CAMSAP1: variants seen among roughly 807,000 people sequenced by gnomAD.
The protein encoded by CAMSAP1 is calmodulin regulated spectrin associated protein 1, also known as calmodulin-regulated spectrin-associated protein 1.
A neutral mutation model predicts 143.5 loss-of-function variants in CAMSAP1; 58 were observed. The ratio of observed to expected loss-of-function variants is 0.40; its 90% CI spans 0.33 to 0.50. The LOEUF is 0.50. Among genes scored for constraint, CAMSAP1 ranks in the 20% least tolerant of loss-of-function variants. The pLI is 0.45. For synonymous variants in CAMSAP1, 945 were observed against 859.3 expected (o/e 1.10, Z -1.74); for missense variants, 1,969 against 2,115.7 (o/e 0.93, Z 1.36).
intron 7 of CAMSAP1, among the ~76,000 whole-genome samples, chr9:135,833,608 G>T (rs1158809200): frequency 1.3e-5 from 2 of 152,174 alleles, no homozygotes; most frequent in African/African-American, 4.8e-5. Flanking sequence ...TGGATAACCA[G>T]ATGTAGAAGA....
At chr9:135,863,177 G>C (rs554445203) in intron 4 of CAMSAP1, among the ~76,000 whole-genome samples, 2 of 152,258 alleles carry the variant, frequency 1.3e-5, no homozygotes, top group East Asian at 3.9e-4. Flanking sequence ...GAAGCATCAG[G>C]AGGCGAAATC....
intron 1 of CAMSAP1, among the ~76,000 whole-genome samples, chr9:135,899,826 G>T (rs1838564254): frequency 6.6e-6 from 1 of 152,080 alleles, no homozygotes; most frequent in South Asian, 2.1e-4. Flanking sequence ...CACTCTAATG[G>T]AACATTCCAG....
At chr9:135,817,910 G>A (rs1232457671) in intron 14 of CAMSAP1, 67 bp downstream of exon 14, 2 of 1,263,260 alleles carry the variant, frequency 1.6e-6, no homozygotes, top group East Asian at 4.7e-5. Flanking sequence ...TGTTTAATCA[G>A]GAAGTCCCAC....
intron 7 of CAMSAP1, among the ~76,000 whole-genome samples, chr9:135,834,352 T>C (rs1414353290): frequency 1.3e-5 from 2 of 152,174 alleles, no homozygotes; most frequent in East Asian, 3.8e-4. Flanking sequence ...TTATGTGCAC[T>C]CCCATGTTTA....
chr9:135,889,122 A>C (rs1174803658), intron 1 of CAMSAP1, among the ~76,000 whole-genome samples: 1 of 152,168 alleles, frequency 6.6e-6, no homozygotes, highest in Non-Finnish European at 1.5e-5. Context: ...GTGGCACAGC[A>C]GCCACTCTGA....
chr9:135,902,632 T>A (rs1345043474), intron 1 of CAMSAP1, among the ~76,000 whole-genome samples: 2 of 152,236 alleles, frequency 1.3e-5, no homozygotes, highest in East Asian at 3.8e-4. Flanking sequence ...CTCTTCTTGT[T>A]GCCTATATCA....
chr9:135,865,162 T>C, intron 4 of CAMSAP1: 1 of 642,322 alleles, frequency 1.6e-6, no homozygotes, highest in Non-Finnish European at 2.7e-6. Context: ...ACAAGGCCTA[T>C]TCGGCTCAGA....
At chr9:135,905,218 C>A (rs1838741516) in intron 1 of CAMSAP1, among the ~76,000 whole-genome samples, 1 of 152,182 alleles carries the variant, frequency 6.6e-6, no homozygotes, top group African/African-American at 2.4e-5. Flanking sequence ...TGACCTGGTA[C>A]CGGAAGTGAA....
intron 7 of CAMSAP1, among the ~76,000 whole-genome samples, chr9:135,840,596 C>G (rs1487585962): frequency 1.3e-5 from 2 of 151,832 alleles, no homozygotes; most frequent in African/African-American, 4.8e-5. Flanking sequence ...CAAGATCAAA[C>G]AGCTCCAATC....
intron 7 of CAMSAP1, among the ~76,000 whole-genome samples, chr9:135,828,272 A>AAGGCAAG (rs1376561334): frequency 6.6e-6 from 1 of 152,220 alleles, no homozygotes; most frequent in Non-Finnish European, 1.5e-5. Flanking sequence ...GCAGCTCAAG[A>AAGGCAAG]AGGCAAGAGG....
intron 1 of CAMSAP1, among the ~76,000 whole-genome samples, chr9:135,886,107 G>GT (rs1838114025): frequency 6.6e-6 from 1 of 151,738 alleles, no homozygotes; most frequent in Non-Finnish European, 1.5e-5. Flanking sequence ...ATTTCTAATA[G>GT]TTTCTTGTTG....
At chr9:135,817,901 G>T in intron 14 of CAMSAP1, 76 bp downstream of exon 14, 1 of 1,140,302 alleles carries the variant, frequency 8.8e-7, no homozygotes, top group Non-Finnish European at 1.3e-6. Flanking sequence ...CTCTCACCGT[G>T]TTTAATCAGG....
At chr9:135,896,518 C>G (rs1838459601) in intron 1 of CAMSAP1, among the ~76,000 whole-genome samples, 1 of 152,206 alleles carries the variant, frequency 6.6e-6, no homozygotes, top group African/African-American at 2.4e-5. Context: ...AACCAACTAG[C>G]AGAATACAAC....
In CAMSAP1 at chr9:135,817,935, C is replaced by A. The variant is rs756844689; in HGVS notation, c.4271+42G>T. The A allele has an allele frequency of 7.7e-6, 12 of 1,560,780 alleles. No homozygotes were observed. The South Asian group carries it at 1.1e-4, about 15-fold the overall frequency. ...GGAAGTCCCACCCTGCCCCTCCGAA[C>A]GTCCTCCAGCCCCGTGCCGGCGGCC... is the stretch of plus-strand genomic sequence containing the variant. On this transcript the variant is annotated intron_variant, in intron 14 of 16. Transcript: ENST00000389532.
Position 135,818,632 on chromosome 9 carries a change from G to A in CAMSAP1, c.3960-16C>T, listed in dbSNP as rs754981194. ...AGCTTTGCGCCTGAGAGAAACACACGCCCAGACACTGCTCGGTCACGGGGC... is the reference window on the plus strand; with the variant it reads ...AGCTTTGCGCCTGAGAGAAACACACACCCAGACACTGCTCGGTCACGGGGC... On this transcript the variant is annotated splice_polypyrimidine_tract_variant and intron_variant, in intron 12 of 16. Coordinates refer to ENST00000389532, the MANE Select transcript of CAMSAP1 (RefSeq NM_015447.4). This position sits in a 1 kb window ranked among gnomAD's most constrained non-coding sequence, Gnocchi z 7.7. 22 of 1,609,050 alleles carry A rather than the reference G, an allele frequency of 1.4e-5. No individual in the cohort carries two copies. Among genetic ancestry groups the A allele is most frequent in the Admixed American group, 5.0e-5 (3 of 59,910 alleles).
In CAMSAP1 at chr9:135,821,691, A is replaced by C; in HGVS notation, c.2970T>G (p.Pro990=). Residue 990 remains proline, a synonymous_variant, in exon 11 of 17, where the codon CCT becomes CCG. Coordinates refer to ENST00000389532, the MANE Select transcript of CAMSAP1 (RefSeq NM_015447.4). The surrounding 1 kb of genome is among the most constrained non-coding windows in gnomAD (Gnocchi z 4.6). ...AFAQQHKAKD[P]VALHELERNK... The stretch of plus-strand genomic sequence containing the variant: ...TTCTCTCCAGCTCGTGCAGAGCCAC[A>C]GGGTCTTTTGCTTTATGTTGCTGAG... 6.2e-7 allele frequency: 1 copy of C among 1,614,010 alleles called. No individual in the cohort carries two copies. The highest frequency in any genetic ancestry group is 2.2e-5 in the East Asian group (1 of 44,876).
chr9:135,867,472 C>A (rs1255188531), intron 3 of CAMSAP1, among the ~76,000 whole-genome samples: 2 of 144,930 alleles, frequency 1.4e-5, no homozygotes, highest in East Asian at 1.9e-4. Flanking sequence ...CAGCAAGACC[C>A]CCCTCTTTTT....
chr9:135,862,499 T>C lies in CAMSAP1; in HGVS notation c.776A>G (p.His259Arg), dbSNP rs1467734339. ...TTTCATCTGCTCTGGGCAATAATAGTGAATCACAGCTAAGAGAGCAGCACC... is the reference window on the plus strand; with the variant it reads ...TTTCATCTGCTCTGGGCAATAATAGCGAATCACAGCTAAGAGAGCAGCACC... ...SDGAALLAVI[H>R]YYCPEQMKLD... The change falls in exon 5 of 17, where the codon CAC becomes CGC. Residue 259 changes from histidine (H) to arginine (R), a missense_variant. Physicochemically the swap from His to Arg is conservative, Grantham distance 29. Coordinates refer to ENST00000389532, the MANE Select transcript of CAMSAP1 (RefSeq NM_015447.4). 6.4e-7 allele frequency: 1 copy of C among 1,551,638 alleles called. No individual in the cohort carries two copies. Among genetic ancestry groups the C allele is most frequent in the African/African-American group, 1.4e-5 (1 of 73,134 alleles).
chr9:135,855,945 G>T (rs939118656), intron 5 of CAMSAP1, among the ~76,000 whole-genome samples: 1 of 151,798 alleles, frequency 6.6e-6, no homozygotes, highest in Non-Finnish European at 1.5e-5. Context: ...CCAGCTACTC[G>T]GTAGGCTGAG....
Sources: gnomAD v4.1 joint callset for allele counts (sites outside exome capture counted in the v4.1 genomes callset) on GRCh38, gnomAD v4.1.1 for gene constraint, Gnocchi (gnomAD v3.1) non-coding constraint, MANE v1.5 for transcripts, NCBI Gene and HGNC (gene_info 2026-07-23, HGNC 2026-07-21) for gene names.